The following CD33 variants were observed in gnomAD, a reference collection of about 807,000 sequenced individuals.
CD33 encodes CD33 molecule, also known as myeloid cell surface antigen CD33.
In CD33, 25 loss-of-function variants were observed where a neutral mutation model predicts 31.4. That is an observed-to-expected ratio of 0.80 (90% CI 0.58 to 1.11). The LOEUF (loss-of-function observed/expected upper bound fraction) is 1.11, where lower values mean the gene tolerates loss of function less well. CD33 is among the 50% of genes most tolerant of loss of function. The probability of loss-of-function intolerance (pLI) is 0.00; values close to 1 mark genes in which losing one functional copy is unlikely to be tolerated. For synonymous variants in CD33, 176 were observed against 180.6 expected (o/e 0.97, Z 0.20); for missense variants, 407 against 448.1 (o/e 0.91, Z 0.83).
chr19:51,226,317 C>T lies in CD33; in HGVS notation c.706C>T (p.Gln236Ter), dbSNP rs774217648. 1 of 1,613,844 alleles carries T rather than the reference C, an allele frequency of 6.2e-7. No individual in the cohort carries two copies. Among genetic ancestry groups the T allele is most frequent in the Non-Finnish European group, 8.5e-7 (1 of 1,179,860 alleles). Reference protein sequence around the residue: ...TIQLNVTYVPQNPTTGIFPGD... With the variant: ...TIQLNVTYVP ...CTCTCTTCCTCTCCTAGATGTTCCA[C>T]AGAACCCAACAACTGGTATCTTTCC... Residue 236 changes from glutamine (Q) to a stop codon, truncating the protein, a stop_gained, in exon 4 of 7, where the codon CAG becomes TAG. Transcript: ENST00000262262. LOFTEE classifies it high-confidence loss of function.
Position 51,225,221 on chromosome 19 carries a change from C to T in CD33, c.41C>T (p.Ala14Val), listed in dbSNP as rs12459419. ...LLLLPLLWAG[A>V]LAMDPNFWLQ... The stretch of plus-strand genomic sequence containing the variant: ...GCTGACCCTCGTTTCCCCACAGGGG[C>T]CCTGGCTATGGATCCAAATTTCTGG... The change falls in exon 2 of 7, where the codon GCC (alanine) becomes GTC (valine). Residue 14 changes from alanine (A) to valine (V), a missense_variant. By Grantham distance (64) the Ala-to-Val change is moderately conservative (BLOSUM62 0). Transcript: ENST00000262262. 0.3 allele frequency: 486,842 copies of T among 1,612,814 alleles called. 79,734 individuals carry two copies. The highest frequency in any genetic ancestry group is 0.52 in the Admixed American group (30,953 of 59,954).
chr19:51,222,774 G>C (rs537949169), upstream of CD33, among the ~76,000 whole-genome samples: 1 of 152,128 alleles, frequency 6.6e-6, no homozygotes, highest in African/African-American at 2.4e-5. Flanking sequence ...GTACATACTC[G>C]TCAAATCTCA....
At chr19:51,221,712 C>T (rs1164786255), upstream of CD33, among the ~76,000 whole-genome samples, 1 of 152,152 alleles carries the variant, frequency 6.6e-6, no homozygotes, top group Non-Finnish European at 1.5e-5. Flanking sequence ...ATATTTATAA[C>T]AACATTATTT....
upstream of CD33, among the ~76,000 whole-genome samples, chr19:51,222,752 A>G (rs570687094): frequency 1.1e-4 from 17 of 152,344 alleles, no homozygotes; most frequent in East Asian, 3.1e-3. Context: ...CAGTGTGGTG[A>G]GTATACAGGC....
Position 51,226,305 on chromosome 19 carries a change from C to A in CD33, c.698-4C>A, listed in dbSNP as rs376681078. 6.2e-7 allele frequency: 1 copy of A among 1,613,752 alleles called. No individual in the cohort carries two copies. The highest frequency in any genetic ancestry group is 8.5e-7 in the Non-Finnish European group (1 of 1,179,708). On this transcript the variant is annotated splice_region_variant and splice_polypyrimidine_tract_variant and intron_variant, in intron 3 of 6. Coordinates refer to ENST00000262262, the MANE Select transcript of CD33 (RefSeq NM_001772.4). Reference sequence around the variant, plus strand: ...CTGAAGGAAATCCTCTCTTCCTCTCCTAGATGTTCCACAGAACCCAACAAC... The same window carrying A: ...CTGAAGGAAATCCTCTCTTCCTCTCATAGATGTTCCACAGAACCCAACAAC...
chr19:51,222,372 A>C (rs2123146631), upstream of CD33, among the ~76,000 whole-genome samples: 1 of 152,352 alleles, frequency 6.6e-6, no homozygotes, highest in African/African-American at 2.4e-5. Context: ...AGTAGTCATT[A>C]GTCTGACTAT....
At chr19:51,215,942 G>C in the CD33 span, among the ~76,000 whole-genome samples, 1 of 152,134 alleles carries the variant, frequency 6.6e-6, no homozygotes. Context: ...TCCTCGTCCA[G>C]TGCCTCCACA....
chr19:51,236,047 A>G (rs1238902987), intron 6 of CD33: 7 of 543,722 alleles, frequency 1.3e-5, no homozygotes, highest in Non-Finnish European at 2.3e-5. Flanking sequence ...AGTCCCAGCT[A>G]CTTGGGAGGC....
chr19:51,235,758 C>A, intron 6 of CD33, 82 bp downstream of exon 6: 1 of 1,139,492 alleles, frequency 8.8e-7, no homozygotes, highest in Non-Finnish European at 1.3e-6. Flanking sequence ...CCCCATTCAG[C>A]ATTTCCAGAA....
chr19:51,231,601 ATGTTT>A (rs1981418734), intron 4 of CD33, among the ~76,000 whole-genome samples: 1 of 133,894 alleles, frequency 7.5e-6, no homozygotes, highest in African/African-American at 3.1e-5. Flanking sequence ...TGGTTGGCTG[ATGTTT>A]TTTTTTTTTT....
chr19:51,221,658 A>G (rs889307987), upstream of CD33, among the ~76,000 whole-genome samples: 2 of 152,198 alleles, frequency 1.3e-5, no homozygotes, highest in East Asian at 1.9e-4. Context: ...TATTTACCCA[A>G]GAGCAATAAA....
chr19:51,239,459 C>CAAA, intron 6 of CD33, 59 bp from the exon 7 acceptor site: 1 of 1,352,234 alleles, frequency 7.4e-7, no homozygotes, highest in Non-Finnish European at 9.9e-7. Flanking sequence ...CCCTCTTTGC[C>CAAA]TTCTCCTGGT....
At chr19:51,235,793 T>C (rs1981746239) in intron 6 of CD33, 117 bp downstream of exon 6, 1 of 862,738 alleles carries the variant, frequency 1.2e-6, no homozygotes, top group Admixed American at 2.0e-5. Context: ...TTTCCTCCTG[T>C]TTAACAGTGT....
At chr19:51,221,829 A>G (rs905291332), upstream of CD33, among the ~76,000 whole-genome samples, 1 of 152,226 alleles carries the variant, frequency 6.6e-6, no homozygotes, top group Non-Finnish European at 1.5e-5. Flanking sequence ...AATTAAAGGG[A>G]ACAAACTATA....
At chr19:51,226,164 G>T in intron 3 of CD33, 83 bp downstream of exon 3, 1 of 1,551,962 alleles carries the variant, frequency 6.4e-7, no homozygotes. Flanking sequence ...TTAGTGTCCT[G>T]GAGGCCTGGC....
chr19:51,236,231 GA>G (rs1490320387), intron 6 of CD33: 3 of 226,934 alleles, frequency 1.3e-5, no homozygotes, highest in Non-Finnish European at 1.8e-5. Context: ...GCCATATGGA[GA>G]AGCACCAGGG....
Position 51,233,016 on chromosome 19 carries a change from T to C in CD33, c.746-2141T>C, listed in dbSNP as rs182760283. Among the ~76,000 whole-genome samples, 18 of 152,232 alleles carry C rather than the reference T, an allele frequency of 1.2e-4. No individual in the cohort carries two copies. The East Asian group carries it at 3.3e-3, about 28-fold the overall frequency. ...CTGGCCTAGGGGGTGTACCAGCCAG[T>C]GGTAGCCCATGGGGCTGTTTCTCAG... On this transcript the variant is annotated intron_variant, in intron 4 of 6. Transcript: ENST00000262262.
At chr19:51,227,437 T>C (rs1023562334) in intron 4 of CD33, among the ~76,000 whole-genome samples, 1 of 152,230 alleles carries the variant, frequency 6.6e-6, no homozygotes, top group African/African-American at 2.4e-5. Flanking sequence ...TGTTACCTCA[T>C]TGTGGTTTTG....
rs959973986 is a variant in CD33, at chr19:51,225,507, G to C, written c.327G>C (p.Arg109Ser). Residue 109 changes from arginine (R) to serine (S), a missense_variant, in exon 2 of 7, where the codon AGG (arginine) becomes AGC (serine). Coordinates refer to ENST00000262262, the MANE Select transcript of CD33 (RefSeq NM_001772.4). Reference sequence around the variant, plus strand: ...GCTCCCTGAGCATCGTAGACGCCAGGAGGAGGGATAATGGTTCATACTTCT... The same window carrying C: ...GCTCCCTGAGCATCGTAGACGCCAGCAGGAGGGATAATGGTTCATACTTCT... The part of the protein sequence containing the change: ...NNCSLSIVDA[R>S]RRDNGSYFFR... 3 of 1,612,596 alleles carry C rather than the reference G, an allele frequency of 1.9e-6. No homozygotes were observed. In the African/African-American group the frequency reaches 4.0e-5, roughly 22 times the overall value.
Sources: allele counts gnomAD v4.1 joint callset (sites outside exome capture counted in the v4.1 genomes callset), GRCh38; gene constraint gnomAD v4.1.1; transcripts MANE v1.5; gene names NCBI Gene and HGNC (gene_info 2026-07-23, HGNC 2026-07-21).